The following GALNTL6 variants were observed in gnomAD, a reference collection of about 807,000 sequenced individuals.
The protein encoded by GALNTL6 is polypeptide N-acetylgalactosaminyltransferase-like 6.
In GALNTL6, 46 loss-of-function variants were observed where a neutral mutation model predicts 73.7. The observed-to-expected ratio is 0.62, with a 90% CI of 0.49 to 0.80. The LOEUF (loss-of-function observed/expected upper bound fraction) is 0.80, where lower values mean the gene tolerates loss of function less well. Among genes scored for constraint, GALNTL6 ranks in the 30% least tolerant of loss-of-function variants. GALNTL6 has a pLI of 0.00. For missense variants in GALNTL6, 604 were observed against 755.0 expected, an observed-to-expected ratio of 0.80 and a Z score of 2.34; for synonymous variants, 259 against 263.7, an observed-to-expected ratio of 0.98 and a Z score of 0.17.
intron 2 of GALNTL6, among the ~76,000 whole-genome samples, chr4:172,096,970 A>T (rs1732375198): frequency 6.6e-6 from 1 of 152,114 alleles, no homozygotes; most frequent in Non-Finnish European, 1.5e-5. Context: ...AACACTAAAA[A>T]CCTCAACTAT....
At chr4:172,217,255 C>T (rs1050706228) in intron 2 of GALNTL6, among the ~76,000 whole-genome samples, 6 of 152,154 alleles carry the variant, frequency 3.9e-5, no homozygotes, top group African/African-American at 1.4e-4. Context: ...GACAGCTTTG[C>T]AAGGCCGTTT....
At chr4:172,455,393 T>A (rs1187881403) in intron 5 of GALNTL6, among the ~76,000 whole-genome samples, 2 of 151,952 alleles carry the variant, frequency 1.3e-5, no homozygotes, top group Non-Finnish European at 2.9e-5. Flanking sequence ...GCTGAAGCCA[T>A]GGAGCCAAGT....
At chr4:172,473,407 T>C (rs1733123110) in intron 5 of GALNTL6, among the ~76,000 whole-genome samples, 1 of 152,182 alleles carries the variant, frequency 6.6e-6, no homozygotes. Context: ...GAGTTATGTA[T>C]CATATACACT....
chr4:172,560,416 T>G (rs576651368), intron 5 of GALNTL6, among the ~76,000 whole-genome samples: 6 of 152,186 alleles, frequency 3.9e-5, no homozygotes, highest in Admixed American at 2.0e-4. Flanking sequence ...GAGGATCACT[T>G]GAGCCCAGGA....
At chr4:172,416,937 A>G (rs1730856391) in intron 5 of GALNTL6, among the ~76,000 whole-genome samples, 1 of 152,170 alleles carries the variant, frequency 6.6e-6, no homozygotes, top group African/African-American at 2.4e-5. Flanking sequence ...CTTGTGTTTT[A>G]TAATCTACCA....
At chr4:172,426,040 G>T (rs896307623) in intron 5 of GALNTL6, among the ~76,000 whole-genome samples, 1 of 152,034 alleles carries the variant, frequency 6.6e-6, no homozygotes, top group African/African-American at 2.4e-5. Flanking sequence ...AGGAGCATGA[G>T]GATTTTATAT....
At chr4:172,167,851 C>T (rs896745697) in intron 2 of GALNTL6, among the ~76,000 whole-genome samples, 26 of 147,228 alleles carry the variant, frequency 1.8e-4, no homozygotes, top group East Asian at 2.0e-4. Context: ...CCCAGCTACT[C>T]GGGAGGCTGA....
At chr4:171,853,491 A>G (rs1352181506) in intron 2 of GALNTL6, among the ~76,000 whole-genome samples, 1 of 93,632 alleles carries the variant, frequency 1.1e-5, no homozygotes, top group South Asian at 3.2e-4. Flanking sequence ...TCTTTCTTAC[A>G]TTTTTTTTTG....
At chr4:171,836,341 C>A (rs1307774926) in intron 2 of GALNTL6, among the ~76,000 whole-genome samples, 1 of 152,032 alleles carries the variant, frequency 6.6e-6, no homozygotes. Flanking sequence ...AGCTGATGAA[C>A]TTTGGGGGCA....
intron 5 of GALNTL6, among the ~76,000 whole-genome samples, chr4:172,429,520 C>A (rs948397509): frequency 6.6e-6 from 1 of 152,070 alleles, no homozygotes; most frequent in Non-Finnish European, 1.5e-5. Context: ...CCTTAAGAGT[C>A]AAAATTTTAA....
At chr4:172,212,388 C>T (rs1252441841) in intron 2 of GALNTL6, among the ~76,000 whole-genome samples, 2 of 152,020 alleles carry the variant, frequency 1.3e-5, no homozygotes, top group South Asian at 2.1e-4. Flanking sequence ...TCTTGAACTC[C>T]TGACTTTGTG....
At chr4:172,519,397 T>C (rs1474750795) in intron 5 of GALNTL6, among the ~76,000 whole-genome samples, 1 of 151,358 alleles carries the variant, frequency 6.6e-6, no homozygotes, top group Non-Finnish European at 1.5e-5. Context: ...TATCTAGTAG[T>C]TGACCAACCC....
chr4:171,904,700 A>C (rs28795182), intron 2 of GALNTL6, among the ~76,000 whole-genome samples: 1 of 151,782 alleles, frequency 6.6e-6, no homozygotes. Flanking sequence ...TATCAGATTC[A>C]CCAAAGTTGA....
intron 3 of GALNTL6, chr4:172,266,411 A>G (rs148016390): frequency 1.3e-5 from 2 of 152,244 alleles, no homozygotes; most frequent in Admixed American, 6.6e-5. Flanking sequence ...TACCTCTTAG[A>G]AGCAGCTGAA....
At chr4:171,968,148 AT>A (rs34855501) in intron 2 of GALNTL6, among the ~76,000 whole-genome samples, 6 of 148,124 alleles carry the variant, frequency 4.1e-5, no homozygotes, top group Non-Finnish European at 7.5e-5. Flanking sequence ...TAACCTTTCC[AT>A]TTTTTTTTAA....
intron 2 of GALNTL6, among the ~76,000 whole-genome samples, chr4:171,928,892 G>A (rs1031655712): frequency 1.3e-4 from 20 of 152,164 alleles, no homozygotes; most frequent in South Asian, 2.1e-4. Flanking sequence ...ACAGAAAAAC[G>A]AAATCACCTA....
chr4:171,975,630 G>A (rs1437665321), intron 2 of GALNTL6, among the ~76,000 whole-genome samples: 1 of 152,024 alleles, frequency 6.6e-6, no homozygotes, highest in Non-Finnish European at 1.5e-5. Context: ...GTGGACAAAA[G>A]GGCAAGGGCT....
At chr4:172,631,652 C>T (rs1340743859) in intron 5 of GALNTL6, among the ~76,000 whole-genome samples, 1 of 152,142 alleles carries the variant, frequency 6.6e-6, no homozygotes, top group African/African-American at 2.4e-5. Flanking sequence ...GAATATTATT[C>T]TTGTAAAACT....
In GALNTL6 at chr4:172,922,512, G is replaced by GA. The variant is rs373005485; in HGVS notation, c.1042-8640dup. On this transcript the variant is annotated intron_variant, in intron 8 of 12. Transcript: ENST00000506823. ...AAATGTGCATAGTTATTGGCAGACT[G>GA]AAAAAAAAATAAAGTAGTGCATAGT... 9.1e-3 allele frequency among the ~76,000 whole-genome samples: 1,360 copies of GA among 149,956 alleles called. 19 individuals carry two copies. The highest frequency in any genetic ancestry group is 0.03 in the African/African-American group (1,238 of 40,932).
Sources: gnomAD v4.1 joint callset for allele counts (sites outside exome capture counted in the v4.1 genomes callset) on GRCh38, gnomAD v4.1.1 for gene constraint, MANE v1.5 for transcripts, NCBI Gene and HGNC (gene_info 2026-07-23, HGNC 2026-07-21) for gene names.